The following TAF9B variants were observed in gnomAD, a reference collection of about 807,000 sequenced individuals.
The protein encoded by TAF9B is transcription initiation factor TFIID subunit 9B.
Under a neutral mutation model 17.6 loss-of-function variants are expected in TAF9B, and 47 were observed. The observed-to-expected ratio is 2.68, with a 90% CI of 2.12 to 3.41. The LOEUF is 3.41. Among genes scored for constraint, TAF9B ranks in the 30% most tolerant of loss-of-function variants. The probability of loss-of-function intolerance (pLI) is 0.00; values close to 1 mark genes in which losing one functional copy is unlikely to be tolerated. For missense variants in TAF9B, 218 were observed against 189.3 expected, an observed-to-expected ratio of 1.15 and a Z score of -0.89; for synonymous variants, 84 against 68.7, an observed-to-expected ratio of 1.22 and a Z score of -1.10.
intron 1 of TAF9B, 119 bp downstream of exon 1, chrX:78,139,442 G>C: frequency 9.6e-7 from 1 of 1,036,673 alleles, no homozygotes; most frequent in Non-Finnish European, 1.3e-6. Flanking sequence ...TCCTCCTGAC[G>C]GCCCTGACTA....
chrX:78,133,719 C>T (rs1210939079), intron 5 of TAF9B, among the ~76,000 whole-genome samples: 1 of 111,265 alleles, frequency 9.0e-6, no homozygotes, highest in African/African-American at 3.3e-5. Context: ...GCTGAGTGTC[C>T]TTGGGCAAGT....
rs782785808 is a variant in TAF9B, at chrX:78,131,638, T to C, written c.728A>G (p.Glu243Gly). Residue 243 changes from glutamate to glycine, a missense_variant, in exon 7 of 7, where the codon GAA becomes GGA. Coordinates refer to ENST00000341864, the MANE Select transcript of TAF9B (RefSeq NM_015975.5). ...CATAATATCATTGTCATCATCATCT[T>C]CATGTTTTCTCTTCAGTGGGTTTGC... The part of the protein sequence containing the change: ...NEANPLKRKH[E>G]DDDDNDIM 1.1e-5 allele frequency: 13 copies of C among 1,209,386 alleles called. No homozygotes were observed. In the Admixed American group the frequency reaches 2.4e-4, roughly 22 times the overall value.
chrX:78,135,326 T>C, intron 5 of TAF9B, among the ~76,000 whole-genome samples: 1 of 100,311 alleles, frequency 1.0e-5, no homozygotes, highest in Non-Finnish European at 2.0e-5. Context: ...CCTGTAATCC[T>C]AGCACTTTGG....
chrX:78,134,626 G>A (rs918857670), intron 5 of TAF9B, among the ~76,000 whole-genome samples: 3 of 111,375 alleles, frequency 2.7e-5, no homozygotes, highest in Admixed American at 9.6e-5. Context: ...CAAAGGTACT[G>A]AGAAATCCGG....
chrX:78,136,866 T>C, intron 5 of TAF9B, 49 bp downstream of exon 5: 1 of 971,490 alleles, frequency 1.0e-6, no homozygotes, highest in Non-Finnish European at 1.5e-6. Flanking sequence ...AACCAAGTGC[T>C]GAGGCACTGC....
At position 78,131,610 on chromosome X, in the gene TAF9B, T is replaced by G; in HGVS notation, c.756A>C (p.Ter252TyrextTer3). 1 of 1,209,408 alleles carries G rather than the reference T, an allele frequency of 8.3e-7. No individual in the cohort carries two copies. The highest frequency in any genetic ancestry group is 1.1e-6 in the Non-Finnish European group (1 of 893,711). The part of the protein sequence containing the change: ...HEDDDDNDIM[*>Y] ...ATGCATCTAGACTAGACTATATTCC[T>G]TACATAATATCATTGTCATCATCAT... is the stretch of plus-strand genomic sequence containing the variant. Residue 252 changes from the stop codon to tyrosine (Y), a stop_lost, in exon 7 of 7, where the codon TAA becomes TAC. Transcript: ENST00000341864.
At chrX:78,139,380 C>T (rs1465699895) in intron 1 of TAF9B, among the ~76,000 whole-genome samples, 181 bp downstream of exon 1, 4 of 112,138 alleles carry the variant, frequency 3.6e-5, no homozygotes, top group Admixed American at 9.4e-5. Flanking sequence ...CAAGACTTGG[C>T]CCAAGCGGCG....
In TAF9B at chrX:78,137,004, A is replaced by G; in HGVS notation, c.406-14T>C. 8.9e-7 allele frequency: 1 copy of G among 1,128,054 alleles called. No homozygotes were observed. Among genetic ancestry groups the G allele is most frequent in the Non-Finnish European group, 1.2e-6 (1 of 825,028 alleles). The allele number at this position is 1,128,054 out of a possible 1,213,427, so 93.0% of individuals were successfully genotyped here. On this transcript the variant is annotated splice_polypyrimidine_tract_variant and intron_variant, in intron 4 of 6. Coordinates refer to ENST00000341864, the MANE Select transcript of TAF9B (RefSeq NM_015975.5). ...TTGGTTAGGTCCCTAGGGGATTTAA[A>G]AAACAAATTAATGTTAAGATGTGAC...
rs2078402698 is a variant in TAF9B at position 78,130,055 on chromosome X, T to C, written c.*1555A>G. 1 of 112,368 alleles carries C rather than the reference T, an allele frequency of 8.9e-6. No individual in the cohort carries two copies. The highest frequency in any genetic ancestry group is 3.2e-5 in the African/African-American group (1 of 30,824). 9.3% of individuals were successfully genotyped at this position (112,368 alleles called of 1,213,427 possible). A position where few individuals can be genotyped will look rare whatever the true frequency, so the allele number is the denominator to read the frequency against. The stretch of plus-strand genomic sequence containing the variant: ...TATAATGAATATTTATCTCCTATGA[T>C]GTTGATCAGGTCTATTTTTATACAT... On this transcript the variant is annotated 3_prime_UTR_variant, in exon 7 of 7. Transcript: ENST00000341864.
Position 78,138,881 on chromosome X carries a change from T to C in TAF9B, c.95A>G (p.Glu32Gly). ...CAACATTTGATTTATAACCCTTGGT[T>C]CATACTCTGTGATTCCCATATCCTT... is the stretch of plus-strand genomic sequence containing the variant. ...ILKDMGITEY[E>G]PRVINQMLEF... Residue 32 changes from glutamate to glycine, a missense_variant, in exon 2 of 7, where the codon GAA (glutamate) becomes GGA (glycine). Coordinates refer to ENST00000341864, the MANE Select transcript of TAF9B (RefSeq NM_015975.5). 1.7e-6 allele frequency: 2 copies of C among 1,209,641 alleles called. No homozygotes were observed. Among genetic ancestry groups the C allele is most frequent in the Non-Finnish European group, 1.1e-6 (1 of 893,485 alleles).
At position 78,131,670 on chromosome X, in the gene TAF9B, G is replaced by C. The variant is rs113634827; in HGVS notation, c.696C>G (p.Ala232=). ...TTCTCTTCAGTGGGTTTGCTTCATT[G>C]GCTGTGTTCTGTGACGAAACCATGT... The part of the protein sequence containing the change: ...TTNMVSSQNT[A]NEANPLKRKH... The change falls in exon 7 of 7, where the codon GCC becomes GCG. Residue 232 remains alanine, a synonymous_variant. Coordinates refer to ENST00000341864, the MANE Select transcript of TAF9B (RefSeq NM_015975.5). 46 of 1,208,316 alleles carry C rather than the reference G, an allele frequency of 3.8e-5. No homozygotes were observed. The highest frequency in any genetic ancestry group is 3.2e-4 in the African/African-American group (18 of 57,055).
chrX:78,137,001 TA>T lies in TAF9B; in HGVS notation c.406-12del, dbSNP rs781867628. The stretch of plus-strand genomic sequence containing the variant: ...CCCTTGGTTAGGTCCCTAGGGGATT[TA>T]AAAAACAAATTAATGTTAAGATGTG... On this transcript the variant is annotated splice_polypyrimidine_tract_variant and intron_variant, in intron 4 of 6. Coordinates refer to ENST00000341864, the MANE Select transcript of TAF9B (RefSeq NM_015975.5). 1.7e-6 allele frequency: 2 copies of T among 1,149,629 alleles called. No individual in the cohort carries two copies. Among genetic ancestry groups the T allele is most frequent in the East Asian group, 6.0e-5 (2 of 33,451 alleles). 94.7% of individuals were successfully genotyped at this position (1,149,629 alleles called of 1,213,427 possible).
At chrX:78,138,996 T>G in intron 1 of TAF9B, 72 bp from the exon 2 acceptor site, 1 of 830,487 alleles carries the variant, frequency 1.2e-6, no homozygotes, top group African/African-American at 2.0e-5. Context: ...AAGGGTAGTA[T>G]TTATATTTAT....
At chrX:78,131,891 A>G in intron 6 of TAF9B, 118 bp from the exon 7 acceptor site, 1 of 613,680 alleles carries the variant, frequency 1.6e-6, no homozygotes, top group Non-Finnish European at 2.5e-6. Context: ...TTTCAATAGC[A>G]TGAAGTGCAA....
rs895355714 is a variant in TAF9B at position 78,133,358 on chromosome X, T to C, written c.572A>G (p.Gln191Arg). The C allele has an allele frequency of 8.3e-7, 1 of 1,209,966 alleles. No individual in the cohort carries two copies. The highest frequency in any genetic ancestry group is 1.1e-6 in the Non-Finnish European group (1 of 893,606). The change falls in exon 6 of 7, where the codon CAG (glutamine) becomes CGG (arginine). Residue 191 changes from glutamine (Q) to arginine (R), a missense_variant. Gln to Arg is a conservative substitution (Grantham distance 43, BLOSUM62 1). Transcript: ENST00000341864. ...ATTACCTGGTTTGACAGGTGTGGAC[T>C]GAGAAGGTGGAATCTGCACCGTAAA... ...QRFTVQIPPS[Q>R]STPVKPVPAT...
chrX:78,138,665 G>A (rs2078443968), intron 2 of TAF9B, among the ~76,000 whole-genome samples, 178 bp downstream of exon 2: 1 of 112,797 alleles, frequency 8.9e-6, no homozygotes, highest in Admixed American at 9.3e-5. Flanking sequence ...TGAGGCACAA[G>A]AATCGCTTGA....
chrX:78,133,488 T>C (rs2078422599), intron 5 of TAF9B, 40 bp from the exon 6 acceptor site: 1 of 978,462 alleles, frequency 1.0e-6, no homozygotes, highest in Non-Finnish European at 1.5e-6. Context: ...TTAGGTGACT[T>C]ATACAGATTT....
At chrX:78,134,401 C>T (rs903074674) in intron 5 of TAF9B, among the ~76,000 whole-genome samples, 1 of 111,223 alleles carries the variant, frequency 9.0e-6, no homozygotes, top group Non-Finnish European at 1.9e-5. Flanking sequence ...TTGTAAGACT[C>T]GAAGACTTAA....
Position 78,138,893 on chromosome X carries a change from AT to A in TAF9B, c.82del (p.Ile28SerfsTer9). 8.3e-7 allele frequency: 1 copy of A among 1,208,812 alleles called. No individual in the cohort carries two copies. The highest frequency in any genetic ancestry group is 1.1e-6 in the Non-Finnish European group (1 of 892,803). On this transcript the variant is annotated frameshift_variant, in exon 2 of 7. Coordinates refer to ENST00000341864, the MANE Select transcript of TAF9B (RefSeq NM_015975.5). LOFTEE classifies it high-confidence loss of function. ...TATAACCCTTGGTTCATACTCTGTG[AT>A]TCCCATATCCTTCAGGATCTGTGCC... ...VMAQILKDMG[I>X]TEYEPRVINQ...
Sources: allele counts gnomAD v4.1 joint callset (sites outside exome capture counted in the v4.1 genomes callset), GRCh38; gene constraint gnomAD v4.1.1; transcripts MANE v1.5; gene names NCBI Gene and HGNC (gene_info 2026-07-23, HGNC 2026-07-21).